The following DNAH3 variants were observed in gnomAD, a reference collection of about 807,000 sequenced individuals.
DNAH3 encodes the protein dynein axonemal heavy chain 3.
In DNAH3, 332 loss-of-function variants were observed where a neutral mutation model predicts 432.5. That is an observed-to-expected ratio of 0.77 (90% CI 0.70 to 0.84). DNAH3 has a LOEUF of 0.84. Among genes scored for constraint, DNAH3 ranks in the 40% least tolerant of loss-of-function variants. The pLI, the probability that DNAH3 is intolerant of heterozygous loss-of-function variation, is 0.00. For synonymous variants in DNAH3, 1,956 were observed against 1,900.2 expected, an observed-to-expected ratio of 1.03 and a Z score of -0.76; for missense variants, 4,861 against 5,114.0, an observed-to-expected ratio of 0.95 and a Z score of 1.51.
chr16:20,972,138 C>T (rs533233541), intron 51 of DNAH3, among the ~76,000 whole-genome samples: 7 of 152,262 alleles, frequency 4.6e-5, no homozygotes, highest in South Asian at 2.1e-4. Context: ...GAGTGCAACC[C>T]GGGAGGGCAG....
intron 59 of DNAH3, among the ~76,000 whole-genome samples, chr16:20,940,199 C>T (rs1026293573): frequency 6.6e-6 from 1 of 152,162 alleles, no homozygotes; most frequent in Non-Finnish European, 1.5e-5. Context: ...CAACCTTGGG[C>T]AAGTCTTAAC....
At chr16:21,128,593 G>C (rs1160823676) in intron 7 of DNAH3, among the ~76,000 whole-genome samples, 1 of 151,904 alleles carries the variant, frequency 6.6e-6, no homozygotes, top group Non-Finnish European at 1.5e-5. Context: ...CACCCGGGAG[G>C]CTGAGGCAGA....
In DNAH3 at chr16:21,134,469, G is replaced by T; in HGVS notation, c.887-15C>A. 6.2e-7 allele frequency: 1 copy of T among 1,610,296 alleles called. No individual in the cohort carries two copies. Among genetic ancestry groups the T allele is most frequent in the Non-Finnish European group, 8.5e-7 (1 of 1,177,632 alleles). On this transcript the variant is annotated splice_polypyrimidine_tract_variant and intron_variant, in intron 6 of 61. Coordinates refer to ENST00000261383, the Ensembl canonical transcript of DNAH3. ...GATGTAATCAACTACAACCGGAAAGGGCGAACACCTCATTATTAAGCTCTA... is the reference window on the plus strand; with the variant it reads ...GATGTAATCAACTACAACCGGAAAGTGCGAACACCTCATTATTAAGCTCTA...
chr16:21,067,456 G>A, intron 23 of DNAH3, 37 bp from the exon 24 acceptor site: 2 of 1,609,412 alleles, frequency 1.2e-6, no homozygotes, highest in South Asian at 2.2e-5. Context: ...TCATCATAAG[G>A]TTCCCAAGTT....
At chr16:21,049,225 A>G (rs942330899) in intron 31 of DNAH3, among the ~76,000 whole-genome samples, 2 of 152,100 alleles carry the variant, frequency 1.3e-5, no homozygotes, top group Non-Finnish European at 2.9e-5. Flanking sequence ...TGGCCTCCCA[A>G]AGTGTCAGGA....
At position 20,988,468 on chromosome 16, in the gene DNAH3, G is replaced by A. The variant is rs541184983; in HGVS notation, c.6602-403C>T. Among the ~76,000 whole-genome samples the A allele has an allele frequency of 2.8e-4, 43 of 152,260 alleles. No homozygotes were observed. In the South Asian group the frequency reaches 8.5e-3, roughly 30 times the overall value. On this transcript the variant is annotated intron_variant, in intron 44 of 61. Transcript: ENST00000261383. The stretch of plus-strand genomic sequence containing the variant: ...TCCCCTCTGTTGCCCAGGCTGGAGT[G>A]CAGTGGTGCCATCTCAGTTCACTGC...
chr16:20,935,729 G>C (rs1420329967), intron 60 of DNAH3, among the ~76,000 whole-genome samples: 2 of 151,968 alleles, frequency 1.3e-5, no homozygotes, highest in Admixed American at 6.6e-5. Flanking sequence ...TGCAGTCCCA[G>C]CTGCTTGGGA....
chr16:20,995,274 C>T (rs146564280), intron 44 of DNAH3, among the ~76,000 whole-genome samples: 3,330 of 152,088 alleles, frequency 0.022, 54 homozygotes, highest in Non-Finnish European at 0.034. Flanking sequence ...CAGAGTCTCA[C>T]GCAGGCTGGA....
intron 12 of DNAH3, among the ~76,000 whole-genome samples, chr16:21,113,858 C>T (rs2092127501): frequency 6.6e-6 from 1 of 152,126 alleles, no homozygotes; most frequent in Non-Finnish European, 1.5e-5. Flanking sequence ...TAATGCTGTG[C>T]CTGACATACA....
intron 14 of DNAH3, among the ~76,000 whole-genome samples, chr16:21,110,803 C>T (rs1195455126): frequency 6.6e-6 from 1 of 151,958 alleles, no homozygotes; most frequent in African/African-American, 2.4e-5. Flanking sequence ...CCTGGGAGGT[C>T]GAGGCTGCCA....
At chr16:21,065,733 T>C (rs1040403470) in intron 24 of DNAH3, among the ~76,000 whole-genome samples, 2 of 152,352 alleles carry the variant, frequency 1.3e-5, no homozygotes, top group East Asian at 1.9e-4. Flanking sequence ...GGCTACTATA[T>C]TGGACAGTAC....
exon 14 of DNAH3, chr16:21,111,752 G>A (rs1193645883): frequency 2.5e-6 from 4 of 1,613,924 alleles, no homozygotes; most frequent in Non-Finnish European, 3.4e-6. Flanking sequence ...TAAAGGCACG[G>A]TGATGTTCAT....
chr16:20,996,516 G>A (rs34443806), intron 44 of DNAH3, among the ~76,000 whole-genome samples: 42,042 of 151,926 alleles, frequency 0.28, 6,411 homozygotes, highest in South Asian at 0.45. Flanking sequence ...CTGGAGTGCA[G>A]TGGTGCCATC....
exon 13 of DNAH3, chr16:21,112,003 T>C: frequency 6.2e-7 from 1 of 1,613,460 alleles, no homozygotes; most frequent in Non-Finnish European, 8.5e-7. Flanking sequence ...CGTCACAAAA[T>C]CATCAATGTC....
intron 55 of DNAH3, among the ~76,000 whole-genome samples, chr16:20,953,521 T>C (rs879838054): frequency 6.6e-6 from 1 of 151,978 alleles, no homozygotes; most frequent in Non-Finnish European, 1.5e-5. Context: ...AATAATAAAA[T>C]TCGTGTGCCA....
intron 20 of DNAH3, among the ~76,000 whole-genome samples, chr16:21,078,692 C>T (rs1282848859): frequency 6.6e-6 from 1 of 152,210 alleles, no homozygotes. Flanking sequence ...TCATGAATTA[C>T]CCTAGGGTAT....
In DNAH3 at chr16:20,997,241, G is replaced by A. The variant is rs766178487; in HGVS notation, c.6601+42C>T. ...TTCATAAAGGTGGCCCAGCTCTGCT[G>A]GGGATGGAGGGAAAGAGGAATGAGC... On this transcript the variant is annotated intron_variant, in intron 44 of 61. Transcript: ENST00000261383. 2.5e-6 allele frequency: 4 copies of A among 1,596,742 alleles called. No individual in the cohort carries two copies. The South Asian group carries it at 4.5e-5, about 18-fold the overall frequency.
chr16:21,145,043 C>T (rs1284518208), intron 3 of DNAH3, 138 bp downstream of exon 4: 17 of 692,168 alleles, frequency 2.5e-5, no homozygotes, highest in African/African-American at 1.3e-4. Context: ...ATCCGGGAGG[C>T]GGAGGTTGCA....
intron 31 of DNAH3, among the ~76,000 whole-genome samples, chr16:21,045,366 T>C (rs2089646481): frequency 6.6e-6 from 1 of 150,580 alleles, no homozygotes; most frequent in Admixed American, 6.6e-5. Flanking sequence ...GTTATTGGTC[T>C]ATTCAGAGAT....
Sources: allele counts gnomAD v4.1 joint callset (sites outside exome capture counted in the v4.1 genomes callset), GRCh38; gene constraint gnomAD v4.1.1; transcripts MANE v1.5; gene names NCBI Gene and HGNC (gene_info 2026-07-23, HGNC 2026-07-21).